AXIN1: variants seen among roughly 807,000 people sequenced by gnomAD.
AXIN1 encodes the protein axin 1, also known as axin-1.
In AXIN1, 30 loss-of-function variants were observed where a neutral mutation model predicts 76.4. The ratio of observed to expected loss-of-function variants is 0.39; its 90% CI spans 0.29 to 0.53. The LOEUF (loss-of-function observed/expected upper bound fraction) is 0.53, where lower values mean the gene tolerates loss of function less well. AXIN1 is among the 20% of genes least tolerant of loss of function. The pLI is 0.66. For missense variants in AXIN1, 1,140 were observed against 1,198.8 expected (o/e 0.95, Z 0.72); for synonymous variants, 545 against 501.4 (o/e 1.09, Z -1.16).
chr16:323,776 C>CCACACACACACACACACA lies in AXIN1; in HGVS notation c.879-9111_879-9094dup, dbSNP rs10673343. Among the ~76,000 whole-genome samples the CCACACACACACACACACA allele has an allele frequency of 1.5e-3, 221 of 148,384 alleles. 2 individuals carry two copies. Among genetic ancestry groups the CCACACACACACACACACA allele is most frequent in the African/African-American group, 4.6e-3 (187 of 40,236 alleles). ...GCCTGGGCAACAGAGTGAGACTCCA[C>CCACACACACACACACACA]CACACACACACACACACACACACAC... On this transcript the variant is annotated intron_variant, in intron 2 of 10. Transcript: ENST00000262320.
chr16:312,344 C>T (rs1349990049), intron 3 of AXIN1, among the ~76,000 whole-genome samples: 1 of 152,150 alleles, frequency 6.6e-6, no homozygotes, highest in Non-Finnish European at 1.5e-5. Flanking sequence ...CACTTCAGTA[C>T]AAACCAAGAT....
intron 2 of AXIN1, among the ~76,000 whole-genome samples, chr16:333,016 C>G (rs1015370758): frequency 1.3e-5 from 2 of 152,086 alleles, no homozygotes; most frequent in Non-Finnish European, 2.9e-5. Context: ...GAGACCTTGT[C>G]TCTACAAAAA....
intron 8 of AXIN1, 195 bp from the exon 9 acceptor site, chr16:291,492 T>TG: frequency 1.6e-6 from 1 of 628,760 alleles, no homozygotes; most frequent in Non-Finnish European, 2.9e-6. Context: ...TACCCGATAC[T>TG]GCAGCGCGCC....
chr16:319,040 A>C (rs2053378442), intron 2 of AXIN1, among the ~76,000 whole-genome samples: 1 of 152,144 alleles, frequency 6.6e-6, no homozygotes, highest in Non-Finnish European at 1.5e-5. Context: ...CCCCACGCTG[A>C]TGACCTCAAA....
At chr16:351,894 G>T (rs1216331211) in intron 1 of AXIN1, among the ~76,000 whole-genome samples, 1 of 152,172 alleles carries the variant, frequency 6.6e-6, no homozygotes, top group Non-Finnish European at 1.5e-5. Flanking sequence ...TCCAAAGTGC[G>T]GGGCGGGGGT....
intron 7 of AXIN1, among the ~76,000 whole-genome samples, chr16:294,951 C>G (rs2052669691): frequency 6.7e-6 from 1 of 149,098 alleles, no homozygotes; most frequent in Non-Finnish European, 1.5e-5. Flanking sequence ...GCAGTCCCAG[C>G]TGCTCTTGAG....
chr16:292,574 G>A (rs1333172936), intron 8 of AXIN1: 27 of 152,212 alleles, frequency 1.8e-4, no homozygotes, highest in Non-Finnish European at 1.5e-5. Context: ...GGTGACCCAA[G>A]GTGGACAGGA....
intron 4 of AXIN1, among the ~76,000 whole-genome samples, chr16:309,564 G>A (rs530265731): frequency 6.6e-6 from 1 of 152,176 alleles, no homozygotes; most frequent in Non-Finnish European, 1.5e-5. Context: ...TTTACCTGGA[G>A]ACGACCACTG....
At position 344,780 on chromosome 16, in the gene AXIN1, C is replaced by T. The variant is rs190471880; in HGVS notation, c.878+1368G>A. Among the ~76,000 whole-genome samples, 506 of 152,308 alleles carry T rather than the reference C, an allele frequency of 3.3e-3. 10 individuals carry two copies. Among genetic ancestry groups the T allele is most frequent in the Admixed American group, 0.032 (486 of 15,294 alleles). On this transcript the variant is annotated intron_variant, in intron 2 of 10. Transcript: ENST00000262320. ...CTGGGATTACAGGTGTGAGTCACTGCGCCCAGTCGACAGTCCATCTTAAAT... is the reference window on the plus strand; with the variant it reads ...CTGGGATTACAGGTGTGAGTCACTGTGCCCAGTCGACAGTCCATCTTAAAT...
At chr16:335,499 C>T (rs146216730) in intron 2 of AXIN1, among the ~76,000 whole-genome samples, 319 of 151,864 alleles carry the variant, frequency 2.1e-3, no homozygotes, top group Middle Eastern at 0.017. Context: ...TACCACAGCA[C>T]GCCAATAACA....
At chr16:303,957 C>T (rs571718307) in intron 5 of AXIN1, among the ~76,000 whole-genome samples, 11 of 152,324 alleles carry the variant, frequency 7.2e-5, no homozygotes, top group East Asian at 5.8e-4. Context: ...GCCAGCCACA[C>T]GGGGTGAAGA....
intron 2 of AXIN1, among the ~76,000 whole-genome samples, chr16:342,701 G>C (rs1453313632): frequency 6.6e-6 from 1 of 152,256 alleles, no homozygotes; most frequent in Non-Finnish European, 1.5e-5. Flanking sequence ...CAGAGCAACA[G>C]CGGGCCCATC....
chr16:316,666 G>A (rs1426749390), intron 2 of AXIN1, among the ~76,000 whole-genome samples: 3 of 151,546 alleles, frequency 2.0e-5, no homozygotes, highest in Non-Finnish European at 2.9e-5. Context: ...CCTGACAGTC[G>A]TCAGCCTCAC....
intron 10 of AXIN1, among the ~76,000 whole-genome samples, chr16:289,010 C>G (rs1490046464): frequency 6.6e-6 from 1 of 152,140 alleles, no homozygotes; most frequent in Non-Finnish European, 1.5e-5. Flanking sequence ...CACCCTCAGC[C>G]TAGGGCTTGG....
Position 326,349 on chromosome 16 carries a change from C to T in AXIN1, c.879-11666G>A, listed in dbSNP as rs1228568650. Among the ~76,000 whole-genome samples the T allele has an allele frequency of 3.7e-4, 29 of 79,360 alleles. No homozygotes were observed. In the East Asian group the frequency reaches 4.7e-3, roughly 13 times the overall value. 52.1% of individuals were successfully genotyped at this position (79,360 alleles called of 152,430 possible). A position where few individuals can be genotyped will look rare whatever the true frequency, so the allele number is the denominator to read the frequency against. On this transcript the variant is annotated intron_variant, in intron 2 of 10. Coordinates refer to ENST00000262320, the MANE Select transcript of AXIN1 (RefSeq NM_003502.4). ...AGCCTGGGCAACAAGAGCAAAACTCCGTCTCAAAAAAAAAAAAAAAAAAAT... is the reference window on the plus strand; with the variant it reads ...AGCCTGGGCAACAAGAGCAAAACTCTGTCTCAAAAAAAAAAAAAAAAAAAT...
Position 329,785 on chromosome 16 carries a change from G to A in AXIN1, c.879-15102C>T, listed in dbSNP as rs527667025. 3.0e-3 allele frequency among the ~76,000 whole-genome samples: 444 copies of A among 148,392 alleles called. 1 individual carries two copies. Among genetic ancestry groups the A allele is most frequent in the African/African-American group, 0.011 (412 of 38,994 alleles). On this transcript the variant is annotated intron_variant, in intron 2 of 10. Coordinates refer to ENST00000262320, the MANE Select transcript of AXIN1 (RefSeq NM_003502.4). ...ACTACAGGTGCCAGCCACCTTGCCC[G>A]GCTATTTTTTTTTTTTTTTTGTATT...
Position 293,814 on chromosome 16 carries a change from G to T in AXIN1, c.1956-96C>A. 8.5e-7 allele frequency: 1 copy of T among 1,179,484 alleles called. No homozygotes were observed. Among genetic ancestry groups the T allele is most frequent in the Non-Finnish European group, 1.3e-6 (1 of 798,234 alleles). The allele number at this position is 1,179,484 out of a possible 1,614,324, so 73.1% of individuals were successfully genotyped here. A position where few individuals can be genotyped will look rare whatever the true frequency, so the allele number is the denominator to read the frequency against. On this transcript the variant is annotated intron_variant, in intron 7 of 10. Coordinates refer to ENST00000262320, the MANE Select transcript of AXIN1 (RefSeq NM_003502.4). This position sits in a 1 kb window ranked among gnomAD's most constrained non-coding sequence, Gnocchi z 4.6. ...CATCTCACAAGGGCAGCCTCCTTGA[G>T]GGATAGGATGGGATGGGGCACTGGG...
chr16:321,142 C>T (rs1321103665), intron 2 of AXIN1, among the ~76,000 whole-genome samples: 1 of 152,138 alleles, frequency 6.6e-6, no homozygotes, highest in Non-Finnish European at 1.5e-5. Flanking sequence ...TCACCCGAAA[C>T]CACTGCTACA....
At chr16:301,714 G>A (rs2052878419) in intron 5 of AXIN1, among the ~76,000 whole-genome samples, 1 of 152,164 alleles carries the variant, frequency 6.6e-6, no homozygotes, top group South Asian at 2.1e-4. Flanking sequence ...AAGGCGCAAA[G>A]ATCAGAAAAT....
Sources: allele counts gnomAD v4.1 joint callset (sites outside exome capture counted in the v4.1 genomes callset), GRCh38; gene constraint gnomAD v4.1.1; non-coding constraint Gnocchi (gnomAD v3.1); transcripts MANE v1.5; gene names NCBI Gene and HGNC (gene_info 2026-07-23, HGNC 2026-07-21).